The following ARK2N variants were observed in gnomAD, a reference collection of about 807,000 sequenced individuals.
The protein encoded by ARK2N is protein ARK2N.
chr18:46,259,495 G>A, the ARK2N span, among the ~76,000 whole-genome samples: 1 of 152,042 alleles, frequency 6.6e-6, no homozygotes, highest in South Asian at 2.1e-4. Context: ...GCCTACCTCG[G>A]CCTCCCAAGG....
chr18:46,216,340 G>A, the ARK2N span: 1 of 1,614,046 alleles, frequency 6.2e-7, no homozygotes, highest in Non-Finnish European at 8.5e-7. The surrounding 1 kb of genome is among the most constrained non-coding windows in gnomAD (Gnocchi z 4.3). Context: ...CACTATGGCT[G>A]CCAAGAAAAA....
chr18:46,204,803 A>T, the ARK2N span, among the ~76,000 whole-genome samples: 1,270 of 152,232 alleles, frequency 8.3e-3, 52 homozygotes, highest in East Asian at 0.12. Flanking sequence ...ACTGAAAAGG[A>T]AAAGGGCCTG....
the ARK2N span, among the ~76,000 whole-genome samples, chr18:46,176,926 T>G: frequency 4.6e-5 from 7 of 152,120 alleles, no homozygotes; most frequent in Admixed American, 1.3e-4. Flanking sequence ...AATTTTTAAA[T>G]TTTTTGTAGA....
the ARK2N span, among the ~76,000 whole-genome samples, chr18:46,247,089 A>G: frequency 6.6e-6 from 1 of 152,188 alleles, no homozygotes. Context: ...TGGATTATCT[A>G]ACAATGTGGA....
chr18:46,221,367 G>A, the ARK2N span, among the ~76,000 whole-genome samples: 2 of 147,968 alleles, frequency 1.4e-5, no homozygotes, highest in South Asian at 2.1e-4. Context: ...CCAACATGGT[G>A]AAACCCCATC....
chr18:46,217,186 T>C, the ARK2N span: 5 of 153,012 alleles, frequency 3.3e-5, no homozygotes, highest in South Asian at 2.1e-4. Context: ...TCCCATTAGT[T>C]CCCCAAGTTT....
chr18:46,187,976 C>T, the ARK2N span, among the ~76,000 whole-genome samples: 2 of 152,262 alleles, frequency 1.3e-5, no homozygotes, highest in Admixed American at 6.5e-5. Flanking sequence ...ACTCCCTCTT[C>T]CCTCCTTGTA....
chr18:46,248,110 T>C, the ARK2N span, among the ~76,000 whole-genome samples: 2 of 152,096 alleles, frequency 1.3e-5, no homozygotes, highest in Non-Finnish European at 2.9e-5. Flanking sequence ...TGAGTAACAG[T>C]CATGGAGTCA....
the ARK2N span, among the ~76,000 whole-genome samples, chr18:46,252,633 A>T: frequency 6.8e-6 from 1 of 147,776 alleles, no homozygotes; most frequent in African/African-American, 2.5e-5. Flanking sequence ...AATATGGGAA[A>T]TAATTTTGTA....
the ARK2N span, among the ~76,000 whole-genome samples, chr18:46,246,704 AGG>A: frequency 8.8e-6 from 1 of 113,166 alleles, no homozygotes; most frequent in African/African-American, 3.1e-5. Flanking sequence ...GCACTTTGGG[AGG>A]CCGAGGCGGG....
chr18:46,183,561 C>T, the ARK2N span, among the ~76,000 whole-genome samples: 3 of 152,168 alleles, frequency 2.0e-5, no homozygotes, highest in African/African-American at 4.8e-5. Flanking sequence ...GGGGCATCCT[C>T]TCTCATCAGT....
At chr18:46,241,591 T>TGTGGTGGTGGGC in the ARK2N span, among the ~76,000 whole-genome samples, 1 of 151,280 alleles carries the variant, frequency 6.6e-6, no homozygotes, top group Non-Finnish European at 1.5e-5. Context: ...GCGTGATGGG[T>TGTGGTGGTGGGC]GTGGTGGTGG....
the ARK2N span, among the ~76,000 whole-genome samples, chr18:46,198,922 G>A: frequency 6.6e-6 from 1 of 152,046 alleles, no homozygotes; most frequent in Non-Finnish European, 1.5e-5. Flanking sequence ...AATGGACCCT[G>A]GAGATCATTT....
the ARK2N span, among the ~76,000 whole-genome samples, chr18:46,259,772 CTGTGTGTG>C: frequency 1.4e-3 from 144 of 104,848 alleles, 1 homozygote; most frequent in East Asian, 0.012. Flanking sequence ...CACCCAGCTA[CTGTGTGTG>C]TGTGTGTGTG....
the ARK2N span, among the ~76,000 whole-genome samples, chr18:46,221,943 T>TA: frequency 6.6e-6 from 1 of 152,244 alleles, no homozygotes; most frequent in African/African-American, 2.4e-5. Context: ...ACTCACAAAA[T>TA]ACATTGATAA....
chr18:46,176,198 T>G, the ARK2N span, among the ~76,000 whole-genome samples: 1 of 152,168 alleles, frequency 6.6e-6, no homozygotes, highest in African/African-American at 2.4e-5. Context: ...ATACAAGAAG[T>G]TGTTTTGTTG....
chr18:46,251,164 T>C, the ARK2N span, among the ~76,000 whole-genome samples: 1 of 152,184 alleles, frequency 6.6e-6, no homozygotes, highest in Non-Finnish European at 1.5e-5. Flanking sequence ...TATGGAAAAG[T>C]TGAAGGCTAT....
At chr18:46,246,959 T>C in the ARK2N span, among the ~76,000 whole-genome samples, 5 of 143,556 alleles carry the variant, frequency 3.5e-5, no homozygotes, top group Admixed American at 1.4e-4. Context: ...AAAAAAAAAA[T>C]AGCAGACCCC....
chr18:46,186,498 ATTTTTTT>A, the ARK2N span, among the ~76,000 whole-genome samples: 1 of 81,860 alleles, frequency 1.2e-5, no homozygotes, highest in Non-Finnish European at 2.2e-5. Context: ...CCAACTGGTG[ATTTTTTT>A]TTTTTTTTTT....
Sources: allele counts gnomAD v4.1 joint callset (sites outside exome capture counted in the v4.1 genomes callset), GRCh38; gene constraint gnomAD v4.1.1; non-coding constraint Gnocchi (gnomAD v3.1); transcripts MANE v1.5; gene names NCBI Gene and HGNC (gene_info 2026-07-23, HGNC 2026-07-21).